Variants in USP32 observed in about 807,000 individuals in gnomAD.
The protein encoded by USP32 is ubiquitin specific peptidase 32.
A neutral mutation model predicts 204.8 loss-of-function variants in USP32; 59 were observed. The observed-to-expected ratio is 0.29, with a 90% CI of 0.23 to 0.36. The LOEUF (loss-of-function observed/expected upper bound fraction) is 0.36, where lower values mean the gene tolerates loss of function less well. Among genes scored for constraint, USP32 ranks in the 10% least tolerant of loss-of-function variants. The pLI is 1.00. For missense variants in USP32, 1,160 were observed against 1,946.4 expected (o/e 0.60, Z 7.60); for synonymous variants, 517 against 678.4 (o/e 0.76, Z 3.70).
At chr17:60,281,513 G>A (rs1324247138) in intron 5 of USP32, among the ~76,000 whole-genome samples, 4 of 151,782 alleles carry the variant, frequency 2.6e-5, no homozygotes, top group Non-Finnish European at 5.9e-5. Flanking sequence ...ACTCCAGCCT[G>A]GGCAAGAGTG....
chr17:60,327,000 A>C (rs1022699855), intron 2 of USP32, among the ~76,000 whole-genome samples: 1 of 152,124 alleles, frequency 6.6e-6, no homozygotes, highest in Admixed American at 6.5e-5. Context: ...GTGATAGCTG[A>C]AAGTTGGTTA....
chr17:60,210,875 T>C (rs1381316970), intron 21 of USP32, 138 bp downstream of exon 21: 35 of 1,400,714 alleles, frequency 2.5e-5, no homozygotes, highest in Non-Finnish European at 3.1e-5. Flanking sequence ...GCAAAAGAAT[T>C]TGACCTTTTG....
chr17:60,249,894 T>G (rs1020296104), intron 11 of USP32: 4 of 476,234 alleles, frequency 8.4e-6, no homozygotes, highest in Non-Finnish European at 1.5e-5. Flanking sequence ...TAGAGACAAA[T>G]ATTTGTTTCA....
chr17:60,348,721 T>TCGCA (rs1408577632), intron 1 of USP32, among the ~76,000 whole-genome samples: 2 of 151,734 alleles, frequency 1.3e-5, no homozygotes, highest in Non-Finnish European at 2.9e-5. Flanking sequence ...TGGGCCATGA[T>TCGCA]CGTGCCACTG....
chr17:60,315,656 A>G (rs2145927483), intron 2 of USP32, among the ~76,000 whole-genome samples: 1 of 152,316 alleles, frequency 6.6e-6, no homozygotes, highest in East Asian at 1.9e-4. Context: ...TGACAATAGA[A>G]GAAAGGTGGA....
chr17:60,260,536 C>T (rs1027255969), intron 9 of USP32, among the ~76,000 whole-genome samples: 2 of 148,966 alleles, frequency 1.3e-5, no homozygotes, highest in East Asian at 2.0e-4. Context: ...AAAAAAAATA[C>T]AGGAATAAAT....
At chr17:60,399,071 A>T (rs192460997) in intron 1 of USP32, among the ~76,000 whole-genome samples, 177 of 152,298 alleles carry the variant, frequency 1.2e-3, no homozygotes, top group Admixed American at 2.8e-3. Flanking sequence ...ATTAGTCCAG[A>T]TTGAAGGAGT....
At chr17:60,355,830 CAAA>C (rs1194639113) in intron 1 of USP32, among the ~76,000 whole-genome samples, 1 of 22,656 alleles carries the variant, frequency 4.4e-5, no homozygotes, top group African/African-American at 1.0e-4. Flanking sequence ...CTCACTCTCT[CAAA>C]AAAAAAAAAA....
chr17:60,340,715 A>G (rs993606873), intron 2 of USP32, among the ~76,000 whole-genome samples: 3 of 152,124 alleles, frequency 2.0e-5, no homozygotes, highest in Non-Finnish European at 2.9e-5. Context: ...TGTCATTATG[A>G]TGTTAGCTGG....
intron 1 of USP32, among the ~76,000 whole-genome samples, chr17:60,363,531 T>A (rs956512148): frequency 6.8e-6 from 1 of 146,108 alleles, no homozygotes; most frequent in East Asian, 2.0e-4. Flanking sequence ...AAAAAAAAAA[T>A]TTGAGACAGG....
chr17:60,392,118 T>G lies in USP32; in HGVS notation c.-179A>C. On this transcript the variant is annotated 5_prime_UTR_variant, in exon 1 of 34. Transcript: ENST00000300896. ...GCTCCTCCCGGTCGCCGCCACCGCC[T>G]CCATGCCGGATCACGTGACTCTTCC... is the stretch of plus-strand genomic sequence containing the variant. 1 of 554,636 alleles carries G rather than the reference T, an allele frequency of 1.8e-6. No individual in the cohort carries two copies. Among genetic ancestry groups the G allele is most frequent in the Non-Finnish European group, 3.0e-6 (1 of 335,868 alleles). The allele number at this position is 554,636 out of a possible 1,614,324, so 34.4% of individuals were successfully genotyped here.
chr17:60,248,771 T>A (rs1026548403), intron 11 of USP32, among the ~76,000 whole-genome samples: 1 of 152,234 alleles, frequency 6.6e-6, no homozygotes, highest in African/African-American at 2.4e-5. Flanking sequence ...AATAGTTGTA[T>A]TGAAGTCTTT....
At chr17:60,229,228 T>C (rs1324583529) in intron 12 of USP32, among the ~76,000 whole-genome samples, 1 of 152,110 alleles carries the variant, frequency 6.6e-6, no homozygotes, top group African/African-American at 2.4e-5. Context: ...TTCATAGAGA[T>C]GGGGTCTCAA....
intron 3 of USP32, 76 bp downstream of exon 3, chr17:60,301,523 C>T: frequency 1.1e-6 from 1 of 888,880 alleles, no homozygotes; most frequent in South Asian, 2.0e-5. Context: ...TTCAAATCCT[C>T]TACCTGTCAT....
At chr17:60,237,534 A>T (rs951499640) in intron 11 of USP32, among the ~76,000 whole-genome samples, 1 of 152,160 alleles carries the variant, frequency 6.6e-6, no homozygotes, top group South Asian at 2.1e-4. Context: ...TTAAGTTTCA[A>T]AACATTCTGA....
In USP32 at chr17:60,207,976, A is replaced by G. The variant is rs539600595; in HGVS notation, c.2925+83T>C. 2.0e-6 allele frequency: 3 copies of G among 1,464,878 alleles called. No individual in the cohort carries two copies. The East Asian group carries it at 7.0e-5, about 34-fold the overall frequency. 90.7% of individuals were successfully genotyped at this position (1,464,878 alleles called of 1,614,324 possible). A position where few individuals can be genotyped will look rare whatever the true frequency, so the allele number is the denominator to read the frequency against. The stretch of plus-strand genomic sequence containing the variant: ...TTTTAGTATCTCTCTTGGTCACATA[A>G]CCTAACAATTGATCATAATAATTGA... On this transcript the variant is annotated intron_variant, in intron 24 of 33. Coordinates refer to ENST00000300896, the MANE Select transcript of USP32 (RefSeq NM_032582.4).
At chr17:60,284,253 G>A (rs182848090) in intron 5 of USP32, among the ~76,000 whole-genome samples, 11 of 140,756 alleles carry the variant, frequency 7.8e-5, no homozygotes, top group South Asian at 4.4e-4. Context: ...TCGCCCTGTC[G>A]CCCAGGCTGG....
At chr17:60,272,179 T>C (rs1318613460) in intron 5 of USP32, among the ~76,000 whole-genome samples, 1 of 152,208 alleles carries the variant, frequency 6.6e-6, no homozygotes, top group Non-Finnish European at 1.5e-5. Flanking sequence ...CTCTCCTGGC[T>C]AGACTGTAAA....
chr17:60,418,036 A>G (rs2090076202), intron 1 of USP32, among the ~76,000 whole-genome samples: 1 of 140,820 alleles, frequency 7.1e-6, no homozygotes, highest in Admixed American at 7.3e-5. Context: ...TCGGCTCACC[A>G]CAACCTCTGC....
Sources: allele counts gnomAD v4.1 joint callset (sites outside exome capture counted in the v4.1 genomes callset), GRCh38; gene constraint gnomAD v4.1.1; transcripts MANE v1.5; gene names NCBI Gene and HGNC (gene_info 2026-07-23, HGNC 2026-07-21).